Variants in KLHL29 observed in about 807,000 individuals in gnomAD.
KLHL29 encodes kelch like family member 29, also known as kelch-like protein 29.
KLHL29 carries 21 observed loss-of-function variants against 80.4 expected under a neutral mutation model. The ratio of observed to expected loss-of-function variants is 0.26; its 90% confidence interval spans 0.19 to 0.38. KLHL29 has a LOEUF of 0.38. Among genes scored for constraint, KLHL29 ranks in the 10% least tolerant of loss-of-function variants. The probability of loss-of-function intolerance (pLI) is 1.00; values close to 1 mark genes in which losing one functional copy is unlikely to be tolerated. For synonymous variants in KLHL29, 511 were observed against 526.8 expected (o/e 0.97, Z 0.41); for missense variants, 867 against 1,223.9 (o/e 0.71, Z 4.35).
chr2:23,420,293 C>T (rs1177914570), intron 1 of KLHL29, among the ~76,000 whole-genome samples: 1 of 152,210 alleles, frequency 6.6e-6, no homozygotes, highest in African/African-American at 2.4e-5. Context: ...CCTCTCCTTC[C>T]TTGCTGCGTC....
intron 5 of KLHL29, among the ~76,000 whole-genome samples, chr2:23,676,796 A>G (rs1241562276): frequency 1.3e-5 from 2 of 152,188 alleles, no homozygotes; most frequent in Admixed American, 1.3e-4. Context: ...ATGATAGAAT[A>G]TGAAGCTGTG....
At chr2:23,429,533 A>G (rs1054514383) in intron 1 of KLHL29, among the ~76,000 whole-genome samples, 2 of 152,178 alleles carry the variant, frequency 1.3e-5, no homozygotes, top group Non-Finnish European at 2.9e-5. Context: ...TGGGCGGATT[A>G]CCTGAGGTCC....
chr2:23,452,821 G>C (rs1663922276), intron 1 of KLHL29, among the ~76,000 whole-genome samples: 1 of 152,118 alleles, frequency 6.6e-6, no homozygotes, highest in African/African-American at 2.4e-5. Flanking sequence ...GCTTGCTTTT[G>C]GAACGTTCTT....
intron 2 of KLHL29, among the ~76,000 whole-genome samples, chr2:23,541,941 G>A (rs970451506): frequency 6.6e-6 from 1 of 152,144 alleles, no homozygotes; most frequent in African/African-American, 2.4e-5. Flanking sequence ...TAGTGGTGCA[G>A]CTGCTCAAAC....
Position 23,680,780 on chromosome 2 carries a change from C to A in KLHL29, c.941-3619C>A, listed in dbSNP as rs568865140. ...TCTTCTCCTGGGGTCTCTAGGCCAT[C>A]TTCTCCTGGGGTCTCTAGGCCATCT... is the stretch of plus-strand genomic sequence containing the variant. On this transcript the variant is annotated intron_variant, in intron 5 of 13. Transcript: ENST00000486442. This position sits in a 1 kb window ranked among gnomAD's most constrained non-coding sequence, Gnocchi z 4.1. 6.6e-6 allele frequency among the ~76,000 whole-genome samples: 1 copy of A among 151,756 alleles called. No homozygotes were observed. Among genetic ancestry groups the A allele is most frequent in the Non-Finnish European group, 1.5e-5 (1 of 67,916 alleles).
intron 5 of KLHL29, among the ~76,000 whole-genome samples, chr2:23,678,910 G>A (rs577103607): frequency 1.3e-5 from 2 of 152,258 alleles, no homozygotes; most frequent in South Asian, 4.2e-4. Flanking sequence ...ATGAGTGGAG[G>A]GGAGGTGGGG....
intron 1 of KLHL29, among the ~76,000 whole-genome samples, chr2:23,412,907 C>T (rs1666900562): frequency 6.6e-6 from 1 of 152,186 alleles, no homozygotes; most frequent in South Asian, 2.1e-4. Context: ...TTGACTGCTT[C>T]CAAGTCACCT....
Position 23,597,575 on chromosome 2 carries a change from C to T in KLHL29, c.285+35094C>T, listed in dbSNP as rs552001881. On this transcript the variant is annotated intron_variant, in intron 3 of 13. Transcript: ENST00000486442. ...AGTAGCTGGGATTATAGGCATTGTG[C>T]CACCATGCTTAGCTAACTTTTGTAT... Among the ~76,000 whole-genome samples the T allele has an allele frequency of 2.0e-4, 31 of 151,522 alleles. No homozygotes were observed. In the South Asian group the frequency reaches 2.5e-3, roughly 12 times the overall value.
At chr2:23,478,613 G>A (rs1397824750) in intron 2 of KLHL29, among the ~76,000 whole-genome samples, 2 of 152,136 alleles carry the variant, frequency 1.3e-5, no homozygotes, top group Admixed American at 1.3e-4. Context: ...GTTGAGCCGA[G>A]GACTCAGTTT....
At chr2:23,631,939 G>A (rs1031706824) in intron 3 of KLHL29, among the ~76,000 whole-genome samples, 2 of 152,128 alleles carry the variant, frequency 1.3e-5, no homozygotes, top group African/African-American at 2.4e-5. Flanking sequence ...GAATTTGAAC[G>A]CAAAGACTTT....
At position 23,550,897 on chromosome 2, in the gene KLHL29, G is replaced by T. The variant is rs1407296129; in HGVS notation, c.-45-11255G>T. Among the ~76,000 whole-genome samples the T allele has an allele frequency of 9.2e-5, 14 of 152,250 alleles. 1 individual carries two copies. On this transcript the variant is annotated intron_variant, in intron 2 of 13. Transcript: ENST00000486442. ...AGATCTAGAATAATCAGGCATGCCT[G>T]AGAGGCGGCCCTGGGAGGGGGTAAG...
intron 5 of KLHL29, among the ~76,000 whole-genome samples, chr2:23,665,503 C>T (rs1375865678): frequency 6.6e-6 from 1 of 152,208 alleles, no homozygotes; most frequent in Non-Finnish European, 1.5e-5. Context: ...AATGAGCTTA[C>T]CTTTTCAACT....
chr2:23,428,495 G>T (rs886511910), intron 1 of KLHL29, among the ~76,000 whole-genome samples: 3 of 152,098 alleles, frequency 2.0e-5, no homozygotes, highest in African/African-American at 7.2e-5. Flanking sequence ...TCGCCTACCT[G>T]CACCAACAAT....
chr2:23,482,648 C>T (rs1664829835), intron 2 of KLHL29, among the ~76,000 whole-genome samples: 1 of 152,232 alleles, frequency 6.6e-6, no homozygotes, highest in Non-Finnish European at 1.5e-5. Flanking sequence ...TACTCATACT[C>T]AGAGGCCACT....
At chr2:23,568,949 G>T (rs748806712) in intron 3 of KLHL29, among the ~76,000 whole-genome samples, 11 of 152,192 alleles carry the variant, frequency 7.2e-5, no homozygotes, top group Non-Finnish European at 1.6e-4. Context: ...GGCTAATGAG[G>T]TTTAAAAGAA....
chr2:23,650,273 C>T (rs1044372286), intron 5 of KLHL29, among the ~76,000 whole-genome samples: 1 of 152,196 alleles, frequency 6.6e-6, no homozygotes, highest in Non-Finnish European at 1.5e-5. Context: ...CTACAAATGC[C>T]AGATCTTAGG....
intron 2 of KLHL29, 123 bp downstream of exon 2, chr2:23,475,790 C>T (rs982481758): frequency 1.3e-5 from 2 of 156,854 alleles, no homozygotes; most frequent in African/African-American, 4.8e-5. Context: ...CCCTCGCCCT[C>T]TTCCTCAGTG....
Position 23,682,917 on chromosome 2 carries a change from G to A in KLHL29, c.941-1482G>A, listed in dbSNP as rs988786271. ...CCTTGCCATGGCTCCCAGAGGGCAGGGCCCCCAACCCCGATCCCTGAACAT... is the reference window on the plus strand; with the variant it reads ...CCTTGCCATGGCTCCCAGAGGGCAGAGCCCCCAACCCCGATCCCTGAACAT... On this transcript the variant is annotated intron_variant, in intron 5 of 13. Coordinates refer to ENST00000486442, the MANE Select transcript of KLHL29 (RefSeq NM_052920.2). This position sits in a 1 kb window ranked among gnomAD's most constrained non-coding sequence, Gnocchi z 4.1. Among the ~76,000 whole-genome samples the A allele has an allele frequency of 1.2e-4, 18 of 152,148 alleles. No individual in the cohort carries two copies. The highest frequency in any genetic ancestry group is 4.6e-4 in the Admixed American group (7 of 15,280).
chr2:23,512,253 C>G (rs1665794408), intron 2 of KLHL29, among the ~76,000 whole-genome samples: 1 of 152,120 alleles, frequency 6.6e-6, no homozygotes, highest in African/African-American at 2.4e-5. Flanking sequence ...CAAGACCAGC[C>G]TGACGCACAT....
Sources: allele counts gnomAD v4.1 joint callset (sites outside exome capture counted in the v4.1 genomes callset), GRCh38; gene constraint gnomAD v4.1.1; non-coding constraint Gnocchi (gnomAD v3.1); transcripts MANE v1.5; gene names NCBI Gene and HGNC (gene_info 2026-07-23, HGNC 2026-07-21).